Variants in STX18 observed in about 807,000 individuals in gnomAD.
STX18 encodes the protein syntaxin 18, also known as syntaxin-18.
Under a neutral mutation model 50.1 loss-of-function variants are expected in STX18, and 40 were observed. The observed-to-expected ratio is 0.80, with a 90% CI of 0.62 to 1.04. STX18 has a LOEUF of 1.04. STX18 is among the 50% of genes least tolerant of loss of function. The probability of loss-of-function intolerance (pLI) is 0.00; values close to 1 mark genes in which losing one functional copy is unlikely to be tolerated. For missense variants in STX18, 410 were observed against 415.8 expected (o/e 0.99, Z 0.12); for synonymous variants, 158 against 151.8 (o/e 1.04, Z -0.30).
At chr4:4,541,110 T>C (rs1731565934) in intron 1 of STX18, among the ~76,000 whole-genome samples, 1 of 152,214 alleles carries the variant, frequency 6.6e-6, no homozygotes, top group Non-Finnish European at 1.5e-5. Flanking sequence ...CATTCACTCA[T>C]TCAACAAACA....
In STX18 at chr4:4,541,999, C is replaced by T; in HGVS notation, c.-35G>A. On this transcript the variant is annotated 5_prime_UTR_variant, in exon 1 of 11. Coordinates refer to ENST00000306200, the MANE Select transcript of STX18 (RefSeq NM_016930.4). ...CACCCTCAGCCCCACACTAGGCCCG[C>T]CCACGTAAGCAGCCGGCGACCGCGG... 1 of 1,534,680 alleles carries T rather than the reference C, an allele frequency of 6.5e-7. No individual in the cohort carries two copies. Among genetic ancestry groups the T allele is most frequent in the Non-Finnish European group, 8.8e-7 (1 of 1,140,044 alleles).
chr4:4,454,997 GTTA>G (rs1726988666), intron 5 of STX18, among the ~76,000 whole-genome samples: 1 of 152,174 alleles, frequency 6.6e-6, no homozygotes, highest in Admixed American at 6.5e-5. Context: ...AGCACTACAA[GTTA>G]GGTACTATGA....
At chr4:4,453,565 T>C in intron 5 of STX18, 4 of 555,202 alleles carry the variant, frequency 7.2e-6, no homozygotes, top group Non-Finnish European at 9.1e-6. Flanking sequence ...GAAACCAAAA[T>C]GTCTTTGTGA....
intron 5 of STX18, among the ~76,000 whole-genome samples, chr4:4,439,507 C>T (rs1725990265): frequency 7.1e-6 from 1 of 140,658 alleles, no homozygotes; most frequent in South Asian, 2.3e-4. Context: ...TATATACCCC[C>T]ACATATACAT....
intron 1 of STX18, among the ~76,000 whole-genome samples, chr4:4,474,982 G>T (rs988404363): frequency 9.9e-5 from 15 of 152,182 alleles, no homozygotes; most frequent in Non-Finnish European, 1.8e-4. Flanking sequence ...CACAACAGGT[G>T]TTTTTTTAGA....
At chr4:4,422,315 C>T (rs1725010853) in intron 9 of STX18, among the ~76,000 whole-genome samples, 1 of 152,052 alleles carries the variant, frequency 6.6e-6, no homozygotes, top group Admixed American at 6.6e-5. Flanking sequence ...GTCTGTAATC[C>T]CAGCACTTTG....
intron 1 of STX18, chr4:4,507,534 A>C (rs1432914381): frequency 1.3e-6 from 1 of 770,690 alleles, no homozygotes; most frequent in African/African-American, 1.7e-5. Flanking sequence ...GCCGCACAAA[A>C]AATAAGCAAA....
chr4:4,486,194 C>T (rs1016929926), intron 1 of STX18, among the ~76,000 whole-genome samples: 1 of 152,150 alleles, frequency 6.6e-6, no homozygotes, highest in East Asian at 1.9e-4. Context: ...AAGCTCCTAC[C>T]ACCAACCCCG....
In STX18 at chr4:4,511,087, G is replaced by A. The variant is rs373491276; in HGVS notation, c.168+30710C>T. Among the ~76,000 whole-genome samples, 11 of 152,216 alleles carry A rather than the reference G, an allele frequency of 7.2e-5. No individual in the cohort carries two copies. The East Asian group carries it at 1.7e-3, about 24-fold the overall frequency. On this transcript the variant is annotated intron_variant, in intron 1 of 10. Transcript: ENST00000306200. The stretch of plus-strand genomic sequence containing the variant: ...TTAAAACCTATATGACGGGTTGACA[G>A]GTACAGCAAACCACCATGGCACATG...
intron 2 of STX18, chr4:4,461,753 A>G (rs1371971690): frequency 1.7e-5 from 7 of 408,966 alleles, no homozygotes; most frequent in Non-Finnish European, 3.0e-5. Flanking sequence ...TACCGGGGGG[A>G]ATGCTTATTC....
At chr4:4,502,855 A>G (rs991727328) in intron 1 of STX18, among the ~76,000 whole-genome samples, 1 of 152,202 alleles carries the variant, frequency 6.6e-6, no homozygotes, top group Non-Finnish European at 1.5e-5. Flanking sequence ...CTACTTTCCC[A>G]CATGCCCGAT....
At chr4:4,503,096 G>T (rs1176973629) in intron 1 of STX18, among the ~76,000 whole-genome samples, 1 of 152,076 alleles carries the variant, frequency 6.6e-6, no homozygotes, top group Non-Finnish European at 1.5e-5. Context: ...TTGTCGTCTG[G>T]CAGGTCACTA....
At chr4:4,501,751 C>T (rs1729471968) in intron 1 of STX18, among the ~76,000 whole-genome samples, 2 of 152,214 alleles carry the variant, frequency 1.3e-5, no homozygotes, top group South Asian at 2.1e-4. Flanking sequence ...ATTGGAAATA[C>T]TTAAATACGA....
At chr4:4,504,963 G>A (rs1045119831) in intron 1 of STX18, among the ~76,000 whole-genome samples, 1 of 152,010 alleles carries the variant, frequency 6.6e-6, no homozygotes, top group Non-Finnish European at 1.5e-5. Context: ...CATTTAAATT[G>A]TGCAATTCCA....
At chr4:4,500,420 A>G (rs1386897389) in intron 1 of STX18, among the ~76,000 whole-genome samples, 1 of 152,206 alleles carries the variant, frequency 6.6e-6, no homozygotes, top group Non-Finnish European at 1.5e-5. Context: ...CAGTATAACA[A>G]CTATTTACAT....
At chr4:4,477,247 A>G (rs989872775) in intron 1 of STX18, among the ~76,000 whole-genome samples, 1 of 152,218 alleles carries the variant, frequency 6.6e-6, no homozygotes, top group African/African-American at 2.4e-5. Flanking sequence ...GTCTCAAAAC[A>G]AAACAAAACG....
chr4:4,538,336 A>G (rs1731436232), intron 1 of STX18, among the ~76,000 whole-genome samples: 1 of 152,330 alleles, frequency 6.6e-6, no homozygotes, highest in South Asian at 2.1e-4. Flanking sequence ...CCTGCCACAC[A>G]TCTGCCATCA....
At position 4,420,836 on chromosome 4, in the gene STX18, G is replaced by A. The variant is rs751103447; in HGVS notation, c.912+28C>T. 14 of 1,601,790 alleles carry A rather than the reference G, an allele frequency of 8.7e-6. No homozygotes were observed. The highest frequency in any genetic ancestry group is 2.7e-5 in the African/African-American group (2 of 74,672). On this transcript the variant is annotated intron_variant, in intron 10 of 10. Transcript: ENST00000306200. The surrounding 1 kb of genome is among the most constrained non-coding windows in gnomAD (Gnocchi z 4.3). ...CTGGGACTCAGTGCTGCGCCACGTC[G>A]CACCTGGGGAACCTAAACAGTGCCT...
intron 1 of STX18, among the ~76,000 whole-genome samples, chr4:4,536,702 T>C (rs1385729792): frequency 1.3e-5 from 2 of 152,212 alleles, no homozygotes; most frequent in East Asian, 3.8e-4. Context: ...CATCTGGCTT[T>C]GGGCCACTCC....
Sources: allele counts gnomAD v4.1 joint callset (sites outside exome capture counted in the v4.1 genomes callset), GRCh38; gene constraint gnomAD v4.1.1; non-coding constraint Gnocchi (gnomAD v3.1); transcripts MANE v1.5; gene names NCBI Gene and HGNC (gene_info 2026-07-23, HGNC 2026-07-21).